ZC4H2: variants seen among roughly 807,000 people sequenced by gnomAD.
ZC4H2 encodes zinc finger C4H2-type containing.
For missense variants in ZC4H2, 137 were observed against 173.9 expected, an observed-to-expected ratio of 0.79 and a Z score of 1.19; for synonymous variants, 84 against 66.3, an observed-to-expected ratio of 1.27 and a Z score of -1.30.
Position 64,920,233 on chromosome X carries a change from T to A in ZC4H2, c.246A>T (p.Gln82His). 1 of 1,210,502 alleles carries A rather than the reference T, an allele frequency of 8.3e-7. No individual in the cohort carries two copies. The highest frequency in any genetic ancestry group is 1.1e-6 in the Non-Finnish European group (1 of 895,015). ...DINVMENTIK[Q>H]SENDLNKLLE... Reference sequence around the variant, plus strand: ...GCAGCTTGTTTAGGTCATTCTCAGATTGTTTGATAGTGTTTTCCATCTGGA... The same window carrying A: ...GCAGCTTGTTTAGGTCATTCTCAGAATGTTTGATAGTGTTTTCCATCTGGA... The change falls in exon 3 of 5, where the codon CAA becomes CAT. Residue 82 changes from glutamine (Q) to histidine (H), a missense_variant. Physicochemically the swap from Gln to His is conservative, Grantham distance 24. Coordinates refer to ENST00000374839, the MANE Select transcript of ZC4H2 (RefSeq NM_018684.4).
At chrX:64,932,360 C>T (rs890818093) in intron 1 of ZC4H2, among the ~76,000 whole-genome samples, 7 of 110,953 alleles carry the variant, frequency 6.3e-5, no homozygotes, top group African/African-American at 2.0e-4. Flanking sequence ...CATTTACATT[C>T]GATGTTAGTA....
At chrX:65,026,070 G>T (rs925495385) in intron 1 of ZC4H2, among the ~76,000 whole-genome samples, 3 of 111,906 alleles carry the variant, frequency 2.7e-5, no homozygotes, top group Non-Finnish European at 5.6e-5. Context: ...GACAGAGGAG[G>T]AATAGGAATG....
intron 1 of ZC4H2, among the ~76,000 whole-genome samples, chrX:64,932,415 A>G (rs1457519584): frequency 9.0e-6 from 1 of 111,164 alleles, no homozygotes. Flanking sequence ...GTTGTTGCCT[A>G]TATGTTTTGG....
intron 1 of ZC4H2, among the ~76,000 whole-genome samples, chrX:64,984,026 T>C (rs901445277): frequency 9.0e-6 from 1 of 111,650 alleles, no homozygotes; most frequent in Non-Finnish European, 1.9e-5. Context: ...GCTTCTAGCA[T>C]ACCCATCACC....
intron 1 of ZC4H2, among the ~76,000 whole-genome samples, chrX:64,960,321 TA>T (rs944918436): frequency 8.2e-5 from 9 of 110,254 alleles, no homozygotes; most frequent in African/African-American, 2.6e-4. Flanking sequence ...AATTTTTTTT[TA>T]ATGAAAAAAA....
intron 1 of ZC4H2, among the ~76,000 whole-genome samples, chrX:64,995,351 CA>C (rs1257231293): frequency 9.0e-6 from 1 of 111,662 alleles, no homozygotes; most frequent in Non-Finnish European, 1.9e-5. Context: ...CACTGCCTCT[CA>C]AGCTTAGCAG....
chrX:64,990,147 G>A (rs1286307092), intron 1 of ZC4H2, among the ~76,000 whole-genome samples: 1 of 112,110 alleles, frequency 8.9e-6, no homozygotes, highest in Non-Finnish European at 1.9e-5. Context: ...TTCAGCAGGT[G>A]AATGTTTAAA....
At chrX:64,981,616 G>C (rs1464452702) in intron 1 of ZC4H2, among the ~76,000 whole-genome samples, 1 of 110,958 alleles carries the variant, frequency 9.0e-6, no homozygotes, top group East Asian at 2.8e-4. Flanking sequence ...GAAGAGAACC[G>C]TACGATGTTA....
intron 1 of ZC4H2, among the ~76,000 whole-genome samples, chrX:64,939,365 A>C (rs1376863116): frequency 8.9e-6 from 1 of 112,047 alleles, no homozygotes; most frequent in Non-Finnish European, 1.9e-5. Flanking sequence ...CATACTGCCC[A>C]AAGTAATTTA....
At chrX:64,974,730 G>T (rs918847437) in intron 1 of ZC4H2, among the ~76,000 whole-genome samples, 1 of 110,579 alleles carries the variant, frequency 9.0e-6, no homozygotes, top group African/African-American at 3.3e-5. Context: ...GGTAAGGGTA[G>T]AAGTCATGGT....
chrX:64,936,139 T>C (rs1342314958), intron 1 of ZC4H2, among the ~76,000 whole-genome samples: 2 of 108,587 alleles, frequency 1.8e-5, no homozygotes, highest in South Asian at 4.0e-4. Flanking sequence ...CAAGAATCAA[T>C]AGTGGAATCG....
At position 64,953,106 on chromosome X, in the gene ZC4H2, A is replaced by C. The variant is rs1458543375; in HGVS notation, c.53+23219T>G. 8.0e-5 allele frequency among the ~76,000 whole-genome samples: 9 copies of C among 112,281 alleles called. No homozygotes were observed. In the East Asian group the frequency reaches 2.5e-3, roughly 31 times the overall value. ...CTATTTAATAAATGGTGCTGGGAAA[A>C]CTGGCTAGCCATATTAGAAAGCTGA... On this transcript the variant is annotated intron_variant, in intron 1 of 4. Transcript: ENST00000374839.
chrX:64,918,169 T>C (rs1474667054), intron 4 of ZC4H2: 6 of 247,385 alleles, frequency 2.4e-5, no homozygotes, highest in African/African-American at 1.7e-4. Flanking sequence ...TAATGAAGCA[T>C]TGTCTAACAG....
chrX:65,026,506 G>A (rs1466050160), intron 1 of ZC4H2, among the ~76,000 whole-genome samples: 1 of 110,686 alleles, frequency 9.0e-6, no homozygotes, highest in African/African-American at 3.3e-5. Context: ...GCAGGAGATC[G>A]AGACCACCCT....
intron 1 of ZC4H2, among the ~76,000 whole-genome samples, chrX:64,988,632 C>A (rs1293938762): frequency 3.7e-5 from 4 of 108,426 alleles, no homozygotes; most frequent in Non-Finnish European, 7.7e-5. Flanking sequence ...GGATATTAGC[C>A]CTTGAGTAGA....
At chrX:64,976,555 C>T, upstream of ZC4H2, 1 of 461,039 alleles carries the variant, frequency 2.2e-6, no homozygotes, top group African/African-American at 2.4e-5. Context: ...AGCCCGGGGG[C>T]CTGTAGGACT....
Position 64,930,816 on chromosome X carries a change from T to C in ZC4H2, c.54-8828A>G, listed in dbSNP as rs191858436. On this transcript the variant is annotated intron_variant, in intron 1 of 4. Coordinates refer to ENST00000374839, the MANE Select transcript of ZC4H2 (RefSeq NM_018684.4). ...ATCTATGTTCATCAGGGTATTGGTC[T>C]GTAGCGTTTTTGGTTGTGTTCTTTC... Among the ~76,000 whole-genome samples, 24 of 111,455 alleles carry C rather than the reference T, an allele frequency of 2.2e-4. No individual in the cohort carries two copies. The East Asian group carries it at 5.4e-3, about 25-fold the overall frequency.
At chrX:64,954,719 G>T (rs1569215321) in intron 1 of ZC4H2, among the ~76,000 whole-genome samples, 2 of 109,185 alleles carry the variant, frequency 1.8e-5, no homozygotes. Flanking sequence ...GACCGGATAA[G>T]AATTCCTGAA....
At chrX:64,948,863 T>G (rs928788916) in intron 1 of ZC4H2, among the ~76,000 whole-genome samples, 1 of 112,289 alleles carries the variant, frequency 8.9e-6, no homozygotes, top group African/African-American at 3.2e-5. Flanking sequence ...TGTTTTAAAT[T>G]ACATAAGATA....
Sources: allele counts gnomAD v4.1 joint callset (sites outside exome capture counted in the v4.1 genomes callset), GRCh38; gene constraint gnomAD v4.1.1; transcripts MANE v1.5; gene names NCBI Gene and HGNC (gene_info 2026-07-23, HGNC 2026-07-21).